WDR33: variants seen among roughly 807,000 people sequenced by gnomAD.
WDR33 encodes the protein pre-mRNA 3' end processing protein WDR33.
A neutral mutation model predicts 164.9 loss-of-function variants in WDR33; 47 were observed. The ratio of observed to expected loss-of-function variants is 0.29; its 90% CI spans 0.23 to 0.36. The LOEUF is 0.36. WDR33 is among the 10% of genes least tolerant of loss of function. The probability of loss-of-function intolerance (pLI) is 1.00; values close to 1 mark genes in which losing one functional copy is unlikely to be tolerated. For synonymous variants in WDR33, 505 were observed against 589.0 expected (o/e 0.86, Z 2.06); for missense variants, 1,137 against 1,754.1 (o/e 0.65, Z 6.28).
rs1392147062 is a variant in WDR33, at chr2:127,726,283, T to C, written c.851+368A>G. On this transcript the variant is annotated intron_variant, in intron 8 of 21. Coordinates refer to ENST00000322313, the MANE Select transcript of WDR33 (RefSeq NM_018383.5). This position sits in a 1 kb window ranked among gnomAD's most constrained non-coding sequence, Gnocchi z 4.8. The stretch of plus-strand genomic sequence containing the variant: ...GAAAACCCTCTCGAAACAGATGTTG[T>C]GAGATGGAGAAGGCTGGGCCGTGTC... Among the ~76,000 whole-genome samples, 2 of 152,152 alleles carry C rather than the reference T, an allele frequency of 1.3e-5. No individual in the cohort carries two copies. Among genetic ancestry groups the C allele is most frequent in the Non-Finnish European group, 2.9e-5 (2 of 68,028 alleles).
At chr2:127,808,945 G>A (rs1689533955) in intron 1 of WDR33, among the ~76,000 whole-genome samples, 1 of 151,708 alleles carries the variant, frequency 6.6e-6, no homozygotes, top group South Asian at 2.1e-4. Context: ...CAGGAGAATG[G>A]CGTGAACCCG....
At position 127,783,599 on chromosome 2, in the gene WDR33, CTTTTTTTTTTTT is replaced by C. The variant is rs35345585; in HGVS notation, c.-23-12607_-23-12596del. 1.2e-4 allele frequency among the ~76,000 whole-genome samples: 10 copies of C among 84,414 alleles called. 1 individual carries two copies. The South Asian group carries it at 3.2e-3, about 27-fold the overall frequency. 55.4% of individuals were successfully genotyped at this position (84,414 alleles called of 152,430 possible). On this transcript the variant is annotated intron_variant, in intron 1 of 21. Transcript: ENST00000322313. The stretch of plus-strand genomic sequence containing the variant: ...CTTCAGCTATTTTATTTCAGGACTC[CTTTTTTTTTTTT>C]TTTTTTTTTTTTTGAGACAGTCTCG...
chr2:127,724,246 T>C lies in WDR33; in HGVS notation c.1196+87A>G. On this transcript the variant is annotated intron_variant, in intron 11 of 21. Transcript: ENST00000322313. The surrounding 1 kb of genome is among the most constrained non-coding windows in gnomAD (Gnocchi z 4.8). Reference sequence around the variant, plus strand: ...GAATAAGTTGGAATATAAATTACTATATCAATCAACCAATAAAAATAAACA... The same window carrying C: ...GAATAAGTTGGAATATAAATTACTACATCAATCAACCAATAAAAATAAACA... The C allele has an allele frequency of 9.9e-7, 1 of 1,005,918 alleles. No individual in the cohort carries two copies. Among genetic ancestry groups the C allele is most frequent in the Non-Finnish European group, 1.5e-6 (1 of 676,580 alleles). The allele number at this position is 1,005,918 out of a possible 1,614,324, so 62.3% of individuals were successfully genotyped here.
chr2:127,762,955 A>T, intron 7 of WDR33, 107 bp downstream of exon 7: 1 of 1,528,998 alleles, frequency 6.5e-7, no homozygotes, highest in Non-Finnish European at 8.8e-7. Context: ...GTGTATATGT[A>T]AAAAAAATTG....
chr2:127,732,009 G>T (rs867056290), intron 7 of WDR33, among the ~76,000 whole-genome samples: 7 of 152,020 alleles, frequency 4.6e-5, no homozygotes, highest in African/African-American at 1.7e-4. Flanking sequence ...GACTGCTTGA[G>T]CCTGGGAGGT....
At chr2:127,729,640 C>T (rs1054648645) in intron 7 of WDR33, among the ~76,000 whole-genome samples, 16 of 152,068 alleles carry the variant, frequency 1.1e-4, no homozygotes, top group African/African-American at 2.9e-4. Flanking sequence ...GGACTACAGG[C>T]GCCCACCACC....
At chr2:127,728,647 A>G (rs548843623) in intron 7 of WDR33, among the ~76,000 whole-genome samples, 3 of 152,314 alleles carry the variant, frequency 2.0e-5, no homozygotes, top group Admixed American at 1.3e-4. Flanking sequence ...TGTTTGCCTT[A>G]AGAAATTTTA....
At chr2:127,805,848 C>T (rs2104689798) in intron 1 of WDR33, among the ~76,000 whole-genome samples, 1 of 152,102 alleles carries the variant, frequency 6.6e-6, no homozygotes, top group East Asian at 1.9e-4. Context: ...CGTATTTAAA[C>T]ATCTGTATTC....
intron 7 of WDR33, among the ~76,000 whole-genome samples, chr2:127,744,343 T>C (rs1687108857): frequency 1.3e-5 from 2 of 152,108 alleles, no homozygotes; most frequent in Admixed American, 1.3e-4. Flanking sequence ...TTCTTGCAAA[T>C]CCCAAAGGCC....
Position 127,714,123 on chromosome 2 carries a change from G to T in WDR33, c.2870-102C>A, listed in dbSNP as rs1376041684. ...CATTTCAGAATACATTCTTTATTGA[G>T]AATGTTTTCCCTCCTTGGTTCTCAG... On this transcript the variant is annotated intron_variant, in intron 17 of 21. Coordinates refer to ENST00000322313, the MANE Select transcript of WDR33 (RefSeq NM_018383.5). This position sits in a 1 kb window ranked among gnomAD's most constrained non-coding sequence, Gnocchi z 4.3. 2.4e-6 allele frequency: 3 copies of T among 1,273,032 alleles called. No individual in the cohort carries two copies. Among genetic ancestry groups the T allele is most frequent in the Non-Finnish European group, 3.1e-6 (3 of 969,856 alleles). The allele number at this position is 1,273,032 out of a possible 1,614,324, so 78.9% of individuals were successfully genotyped here.
At chr2:127,776,943 G>A (rs903894864) in intron 1 of WDR33, among the ~76,000 whole-genome samples, 1 of 152,216 alleles carries the variant, frequency 6.6e-6, no homozygotes, top group South Asian at 2.1e-4. Flanking sequence ...ACTCACTGCA[G>A]TATTGACTTG....
chr2:127,793,260 G>A (rs1239973439), intron 1 of WDR33, among the ~76,000 whole-genome samples: 3 of 150,510 alleles, frequency 2.0e-5, no homozygotes, highest in Admixed American at 6.6e-5. Flanking sequence ...GTGAAACCCC[G>A]TCTCCACTAA....
At position 127,738,027 on chromosome 2, in the gene WDR33, T is replaced by C; in HGVS notation, c.725-11250A>G. ...TATTCACCTCTTGACAGAAAGGAAG[T>C]AACAACGGCAGTGATGAAAACATGT... On this transcript the variant is annotated intron_variant, in intron 7 of 21. Transcript: ENST00000322313. The surrounding 1 kb of genome is among the most constrained non-coding windows in gnomAD (Gnocchi z 4.4). 6.2e-7 allele frequency: 1 copy of C among 1,613,080 alleles called. No homozygotes were observed.
intron 1 of WDR33, among the ~76,000 whole-genome samples, chr2:127,775,191 A>C (rs77342124): frequency 0.018 from 2,721 of 152,144 alleles, 146 homozygotes; most frequent in South Asian, 0.17. Flanking sequence ...TCTATTAAAA[A>C]AAAAAATTTT....
chr2:127,797,062 T>C (rs1293236807), intron 1 of WDR33, among the ~76,000 whole-genome samples: 3 of 152,032 alleles, frequency 2.0e-5, no homozygotes, highest in Non-Finnish European at 4.4e-5. Context: ...TGTCCATGAA[T>C]GATCACCATG....
chr2:127,762,872 C>T (rs759944884), intron 7 of WDR33, 190 bp downstream of exon 7: 104 of 1,399,706 alleles, frequency 7.4e-5, no homozygotes, highest in Non-Finnish European at 9.5e-5. Context: ...AAAGATAACA[C>T]TGGTAGTAAA....
intron 7 of WDR33, among the ~76,000 whole-genome samples, chr2:127,727,147 C>A (rs931096730): frequency 6.6e-6 from 1 of 152,194 alleles, no homozygotes; most frequent in African/African-American, 2.4e-5. Context: ...TCACTCACTT[C>A]AGTTGTCCCA....
chr2:127,709,755 T>C lies in WDR33; in HGVS notation c.3410A>G (p.Asp1137Gly). Residue 1137 changes from aspartate (D) to glycine (G), a missense_variant, in exon 19 of 22, where the codon GAT (aspartate) becomes GGT (glycine). This residue lies in a region of WDR33 where 867 missense variants were observed against 1,073.0 expected (regional missense o/e 0.81). Transcript: ENST00000322313. The surrounding 1 kb of genome is among the most constrained non-coding windows in gnomAD (Gnocchi z 5.0). ...PEDFGPEENF[D>G]ASEEAARGRD... is the part of the protein sequence containing the mutation. Reference sequence around the variant, plus strand: ...TCCTCGGGCCGCTTCCTCAGAAGCATCAAAATTCTCCTCTGGACCAAAGTC... The same window carrying C: ...TCCTCGGGCCGCTTCCTCAGAAGCACCAAAATTCTCCTCTGGACCAAAGTC... The C allele has an allele frequency of 6.2e-7, 1 of 1,614,180 alleles. No individual in the cohort carries two copies. Among genetic ancestry groups the C allele is most frequent in the Non-Finnish European group, 8.5e-7 (1 of 1,180,038 alleles).
rs767698329 is a variant in WDR33, at chr2:127,706,563, G to C, written c.3782-11C>G. 2 of 1,583,828 alleles carry C rather than the reference G, an allele frequency of 1.3e-6. No individual in the cohort carries two copies. The highest frequency in any genetic ancestry group is 1.7e-6 in the Non-Finnish European group (2 of 1,170,272). ...CTGGGCCCCCTCGGCCTGAAACAAA[G>C]AAAATTTCACATGGGACTTTTTGTA... is the stretch of plus-strand genomic sequence containing the variant. On this transcript the variant is annotated splice_polypyrimidine_tract_variant and intron_variant, in intron 21 of 21. Coordinates refer to ENST00000322313, the MANE Select transcript of WDR33 (RefSeq NM_018383.5). The surrounding 1 kb of genome is among the most constrained non-coding windows in gnomAD (Gnocchi z 5.1).
Sources: gnomAD v4.1 joint callset for allele counts (sites outside exome capture counted in the v4.1 genomes callset) on GRCh38, gnomAD v4.1.1 for gene constraint, gnomAD v4.1.1 regional missense constraint, Gnocchi (gnomAD v3.1) non-coding constraint, MANE v1.5 for transcripts, NCBI Gene and HGNC (gene_info 2026-07-23, HGNC 2026-07-21) for gene names.